Variants in AKAP10 observed in about 807,000 individuals in gnomAD.
AKAP10 encodes A-kinase anchor protein 10, mitochondrial.
Under a neutral mutation model 80.8 loss-of-function variants are expected in AKAP10, and 24 were observed. That is an observed-to-expected ratio of 0.30 (90% CI 0.22 to 0.42). The LOEUF (loss-of-function observed/expected upper bound fraction) is 0.42, where lower values mean the gene tolerates loss of function less well. AKAP10 is among the 10% of genes least tolerant of loss of function. AKAP10 has a pLI of 1.00. For synonymous variants in AKAP10, 291 were observed against 277.7 expected (o/e 1.05, Z -0.48); for missense variants, 661 against 794.9 (o/e 0.83, Z 2.03).
chr17:19,906,374 T>A, intron 14 of AKAP10, 142 bp from the exon 15 acceptor site: 1 of 864,036 alleles, frequency 1.2e-6, no homozygotes, highest in Admixed American at 2.6e-5. Context: ...TACAATTTTG[T>A]GAGGTAAAAT....
chr17:19,955,572 C>T (rs1464641515), intron 4 of AKAP10, among the ~76,000 whole-genome samples: 2 of 152,090 alleles, frequency 1.3e-5, no homozygotes, highest in African/African-American at 4.8e-5. Context: ...ATTACAATTA[C>T]AGAAACATAA....
chr17:19,917,866 T>G (rs765918767), intron 12 of AKAP10, among the ~76,000 whole-genome samples: 6 of 151,052 alleles, frequency 4.0e-5, no homozygotes, highest in Non-Finnish European at 8.8e-5. Flanking sequence ...GAGGTTGCAG[T>G]GAGCCAAGCC....
intron 5 of AKAP10, among the ~76,000 whole-genome samples, chr17:19,946,264 TATATATA>T (rs1567765910): frequency 4.1e-4 from 13 of 31,352 alleles, no homozygotes; most frequent in African/African-American, 1.5e-3. Context: ...TATATATATA[TATATATA>T]TATATTTTTT....
At chr17:19,924,362 A>T (rs904542592) in intron 11 of AKAP10, 46 bp downstream of exon 11, 1 of 1,340,730 alleles carries the variant, frequency 7.5e-7, no homozygotes, top group Non-Finnish European at 1.0e-6. Flanking sequence ...TAAAAGATGC[A>T]AAGTTATTTA....
chr17:19,906,087 G>A lies in AKAP10; in HGVS notation c.*140C>T. On this transcript the variant is annotated 3_prime_UTR_variant, in exon 15 of 15. Coordinates refer to ENST00000225737, the MANE Select transcript of AKAP10 (RefSeq NM_007202.4). ...TGCATTATGGTGGAAGTCTAGGATT[G>A]TCTCCCATTCTCTCCTGGAAACAAC... 1 of 883,506 alleles carries A rather than the reference G, an allele frequency of 1.1e-6. No homozygotes were observed. Among genetic ancestry groups the A allele is most frequent in the Non-Finnish European group, 1.7e-6 (1 of 574,192 alleles). 54.7% of individuals were successfully genotyped at this position (883,506 alleles called of 1,614,324 possible). A position where few individuals can be genotyped will look rare whatever the true frequency, so the allele number is the denominator to read the frequency against.
intron 2 of AKAP10, among the ~76,000 whole-genome samples, chr17:19,964,969 T>C (rs888118229): frequency 7.2e-5 from 11 of 152,330 alleles, no homozygotes; most frequent in Admixed American, 3.9e-4. Flanking sequence ...ACCCTCCACA[T>C]GGACTGTTTG....
At chr17:19,969,711 A>G (rs2043470284) in intron 1 of AKAP10, among the ~76,000 whole-genome samples, 1 of 152,176 alleles carries the variant, frequency 6.6e-6, no homozygotes, top group Non-Finnish European at 1.5e-5. Flanking sequence ...TCAACTGTTG[A>G]GTGCTTGGTA....
At chr17:19,956,872 C>T (rs1381316329) in intron 4 of AKAP10, among the ~76,000 whole-genome samples, 5 of 151,566 alleles carry the variant, frequency 3.3e-5, no homozygotes, top group African/African-American at 4.9e-5. Context: ...GGAGTGGTGG[C>T]GGGCGCCTGT....
intron 12 of AKAP10, among the ~76,000 whole-genome samples, chr17:19,917,578 C>T (rs2042759564): frequency 6.6e-6 from 1 of 152,206 alleles, no homozygotes; most frequent in African/African-American, 2.4e-5. Flanking sequence ...TGGGCTCCAA[C>T]ACTCCTTCCA....
intron 1 of AKAP10, among the ~76,000 whole-genome samples, chr17:19,968,694 G>C (rs752241995): frequency 6.6e-6 from 1 of 152,196 alleles, no homozygotes; most frequent in Non-Finnish European, 1.5e-5. Context: ...AGACAATGTA[G>C]TCACAACATC....
At chr17:19,931,060 G>C (rs1398177237) in intron 10 of AKAP10, among the ~76,000 whole-genome samples, 1 of 152,042 alleles carries the variant, frequency 6.6e-6, no homozygotes, top group Non-Finnish European at 1.5e-5. Context: ...TCTAGTCCCA[G>C]CTATTCAGGA....
intron 4 of AKAP10, among the ~76,000 whole-genome samples, chr17:19,955,335 C>T (rs1012180319): frequency 1.3e-5 from 2 of 152,104 alleles, no homozygotes; most frequent in African/African-American, 4.8e-5. Flanking sequence ...GGTGAAGGAA[C>T]TAACTGTTCT....
intron 11 of AKAP10, 66 bp from the exon 12 acceptor site, chr17:19,920,184 C>A (rs1266679294): frequency 2.2e-5 from 27 of 1,215,256 alleles, no homozygotes; most frequent in Non-Finnish European, 3.1e-5. Flanking sequence ...AGAAAACAAT[C>A]AATTTAAAGC....
chr17:19,971,132 T>C (rs1460074535), intron 1 of AKAP10, among the ~76,000 whole-genome samples: 1 of 151,912 alleles, frequency 6.6e-6, no homozygotes, highest in Non-Finnish European at 1.5e-5. Context: ...ATTACAGGTG[T>C]GAGCCACCAC....
chr17:19,938,391 C>T (rs1009121253), intron 8 of AKAP10, among the ~76,000 whole-genome samples: 6 of 151,892 alleles, frequency 4.0e-5, no homozygotes, highest in Non-Finnish European at 5.9e-5. Flanking sequence ...TGTGTGCCAT[C>T]ATGCCTGGCT....
intron 4 of AKAP10, among the ~76,000 whole-genome samples, chr17:19,953,752 C>A (rs1261312538): frequency 6.6e-6 from 1 of 151,772 alleles, no homozygotes; most frequent in African/African-American, 2.4e-5. Context: ...TAGGCCCCTG[C>A]CAGGCACGGT....
intron 3 of AKAP10, among the ~76,000 whole-genome samples, chr17:19,959,145 G>A (rs1298021355): frequency 1.3e-5 from 2 of 151,840 alleles, no homozygotes; most frequent in African/African-American, 2.4e-5. Flanking sequence ...GAGCCACTGC[G>A]CCCAGCCCAG....
At chr17:19,916,939 AAAATAAAT>A (rs753215350) in intron 12 of AKAP10, among the ~76,000 whole-genome samples, 3 of 142,646 alleles carry the variant, frequency 2.1e-5, no homozygotes, top group African/African-American at 5.3e-5. Context: ...TCTGTCTCAA[AAAATAAAT>A]AAATAAATAA....
intron 5 of AKAP10, among the ~76,000 whole-genome samples, chr17:19,946,262 TATATATATATATA>T (rs1438970896): frequency 1.7e-4 from 5 of 29,662 alleles, no homozygotes; most frequent in East Asian, 1.0e-3. Context: ...TATATATATA[TATATATATATATA>T]TTTTTTTTTT....
Sources: gnomAD v4.1 joint callset for allele counts (sites outside exome capture counted in the v4.1 genomes callset) on GRCh38, gnomAD v4.1.1 for gene constraint, MANE v1.5 for transcripts, NCBI Gene and HGNC (gene_info 2026-07-23, HGNC 2026-07-21) for gene names.